Variants in TAC4 observed in about 807,000 individuals in gnomAD.
TAC4 encodes tachykinin precursor 4.
A neutral mutation model predicts 17.7 loss-of-function variants in TAC4; 17 were observed. The ratio of observed to expected loss-of-function variants is 0.96; its 90% CI spans 0.66 to 1.44. The LOEUF (loss-of-function observed/expected upper bound fraction) is 1.44. Among genes scored for constraint, TAC4 ranks in the 40% most tolerant of loss-of-function variants. The probability of loss-of-function intolerance (pLI) is 0.00; values close to 1 mark genes in which losing one functional copy is unlikely to be tolerated. For synonymous variants in TAC4, 62 were observed against 52.4 expected, an observed-to-expected ratio of 1.18 and a Z score of -0.79; for missense variants, 118 against 125.6, an observed-to-expected ratio of 0.94 and a Z score of 0.29.
In TAC4 at chr17:49,848,068, A is replaced by G. The variant is rs940627849; in HGVS notation, c.-51T>C. The G allele has an allele frequency of 1.3e-5, 21 of 1,607,482 alleles. No individual in the cohort carries two copies. Among genetic ancestry groups the G allele is most frequent in the Non-Finnish European group, 1.7e-5 (20 of 1,177,118 alleles). On this transcript the variant is annotated 5_prime_UTR_variant, in exon 1 of 5. Transcript: ENST00000436235. ...TCTGGGAGCCCCTCTCAGCTTGAAG[A>G]TGCCTCCTGCAGGCTTTGGTTTGCT...
At chr17:49,843,115 G>A (rs2074510934) in intron 2 of TAC4, among the ~76,000 whole-genome samples, 1 of 152,188 alleles carries the variant, frequency 6.6e-6, no homozygotes, top group Admixed American at 6.5e-5. Context: ...CGAGACTCTG[G>A]GTCAGAAAGG....
Position 49,838,462 on chromosome 17 carries a change from G to T in TAC4, c.*180C>A. 2.7e-6 allele frequency: 2 copies of T among 730,854 alleles called. No homozygotes were observed. The highest frequency in any genetic ancestry group is 4.8e-6 in the Non-Finnish European group (2 of 418,300). The allele number at this position is 730,854 out of a possible 1,614,324, so 45.3% of individuals were successfully genotyped here. On this transcript the variant is annotated 3_prime_UTR_variant, in exon 5 of 5. Coordinates refer to ENST00000436235, the MANE Select transcript of TAC4 (RefSeq NM_001077506.2). ...CGAAGCTGTGCATTTATGCAGGACT[G>T]CTGCTTGACACTGAGAGTCCAGGAA...
intron 3 of TAC4, among the ~76,000 whole-genome samples, chr17:49,840,447 A>G (rs2074488224): frequency 6.6e-6 from 1 of 152,018 alleles, no homozygotes; most frequent in Non-Finnish European, 1.5e-5. Context: ...GCATTAGGGG[A>G]CTAGACTTGG....
intron 2 of TAC4, among the ~76,000 whole-genome samples, chr17:49,842,431 G>C (rs1175177447): frequency 1.3e-5 from 2 of 152,058 alleles, no homozygotes; most frequent in East Asian, 2.0e-4. Flanking sequence ...TTGGGAGGCT[G>C]AGGCAGGAGA....
intron 1 of TAC4, chr17:49,845,927 C>T (rs2074534909): frequency 4.6e-6 from 1 of 217,598 alleles, no homozygotes; most frequent in African/African-American, 2.4e-5. Flanking sequence ...TGGAGTCACC[C>T]AGCCTGGCCA....
chr17:49,841,436 C>T (rs2074497338), intron 3 of TAC4, 116 bp downstream of exon 3: 2 of 1,125,640 alleles, frequency 1.8e-6, no homozygotes, highest in Non-Finnish European at 1.2e-6. Flanking sequence ...ACAGCAATGC[C>T]AGCCTGGCTT....
chr17:49,846,896 A>G, intron 1 of TAC4: 13 of 1,206,696 alleles, frequency 1.1e-5, no homozygotes, highest in Non-Finnish European at 1.3e-5. Flanking sequence ...GCTGGAGAAA[A>G]GCCTTGGGGG....
intron 3 of TAC4, among the ~76,000 whole-genome samples, chr17:49,841,275 A>G (rs571156733): frequency 7.9e-6 from 1 of 125,836 alleles, no homozygotes; most frequent in East Asian, 2.2e-4. Flanking sequence ...TTCTAATTCC[A>G]GGCTTTAGAC....
chr17:49,847,721 A>ACACG, intron 1 of TAC4, 192 bp downstream of exon 1: 1 of 741,580 alleles, frequency 1.3e-6, no homozygotes, highest in South Asian at 1.7e-5. Context: ...ACACACACAC[A>ACACG]CACACTTCGG....
rs1311234374 is a variant in TAC4 at position 49,844,176 on chromosome 17, A to C, written c.106-19T>G. 1.9e-6 allele frequency: 3 copies of C among 1,612,926 alleles called. No individual in the cohort carries two copies. In the Admixed American group the frequency reaches 5.0e-5, roughly 27 times the overall value. On this transcript the variant is annotated intron_variant, in intron 1 of 4. Coordinates refer to ENST00000436235, the MANE Select transcript of TAC4 (RefSeq NM_001077506.2). The stretch of plus-strand genomic sequence containing the variant: ...CGCCTTCCTGAAGAAGCAGAGAGTT[A>C]GTGTTAGAGTTGGGAGGTTGTCCAG...
chr17:49,840,038 T>A, intron 3 of TAC4, 129 bp from the exon 4 acceptor site: 1 of 736,504 alleles, frequency 1.4e-6, no homozygotes. Context: ...GCAAATGGGA[T>A]CATTTCTCTG....
chr17:49,845,540 G>A (rs1024564415), intron 1 of TAC4, among the ~76,000 whole-genome samples: 86 of 152,322 alleles, frequency 5.6e-4, no homozygotes, highest in African/African-American at 1.9e-3. Context: ...GACACAGAAT[G>A]CCAAATGAGG....
Position 49,838,616 on chromosome 17 carries a change from C to G in TAC4, c.*26G>C. ...AGGTAGGAAGAAGCGGCACCGTGTCCTCTGGGAAGTCTGTGGTGGGGGCTT... is the reference window on the plus strand; with the variant it reads ...AGGTAGGAAGAAGCGGCACCGTGTCGTCTGGGAAGTCTGTGGTGGGGGCTT... On this transcript the variant is annotated 3_prime_UTR_variant, in exon 5 of 5. Transcript: ENST00000436235. 6.2e-7 allele frequency: 1 copy of G among 1,613,648 alleles called. No homozygotes were observed. The highest frequency in any genetic ancestry group is 2.2e-5 in the East Asian group (1 of 44,816).
intron 2 of TAC4, 74 bp from the exon 3 acceptor site, chr17:49,841,658 C>G (rs1040062944): frequency 1.9e-5 from 28 of 1,438,752 alleles, no homozygotes; most frequent in Admixed American, 2.6e-5. Context: ...GGAAAAGGCT[C>G]CAGTTCTTTG....
At chr17:49,844,011 C>G in intron 2 of TAC4, 53 bp downstream of exon 2, 1 of 1,554,536 alleles carries the variant, frequency 6.4e-7, no homozygotes, top group Non-Finnish European at 8.9e-7. Flanking sequence ...CTTTATGTTG[C>G]AGAACCCACT....
At chr17:49,842,285 C>CT (rs1567874403) in intron 2 of TAC4, among the ~76,000 whole-genome samples, 1 of 151,904 alleles carries the variant, frequency 6.6e-6, no homozygotes, top group Non-Finnish European at 1.5e-5. Flanking sequence ...AATCCCAGCA[C>CT]TTTGGGAGTC....
At chr17:49,841,107 A>G (rs1322279194) in intron 3 of TAC4, among the ~76,000 whole-genome samples, 1 of 151,730 alleles carries the variant, frequency 6.6e-6, no homozygotes, top group African/African-American at 2.4e-5. Flanking sequence ...GCTGGTCTCG[A>G]ACTCCTGACC....
Position 49,839,729 on chromosome 17 carries a change from C to T in TAC4, c.292+121G>A, listed in dbSNP as rs1308829652. 6.6e-6 allele frequency: 6 copies of T among 914,864 alleles called. No homozygotes were observed. In the East Asian group the frequency reaches 1.6e-4, roughly 25 times the overall value. 56.7% of individuals were successfully genotyped at this position (914,864 alleles called of 1,614,324 possible). Reference sequence around the variant, plus strand: ...TCGACTGCCTCCCCTGGGGGCCTCCCCATGATGGCTTGTGGGGAGCCTGTC... The same window carrying T: ...TCGACTGCCTCCCCTGGGGGCCTCCTCATGATGGCTTGTGGGGAGCCTGTC... On this transcript the variant is annotated intron_variant, in intron 4 of 4. Coordinates refer to ENST00000436235, the MANE Select transcript of TAC4 (RefSeq NM_001077506.2).
chr17:49,839,783 G>T lies in TAC4; in HGVS notation c.292+67C>A. 2.0e-6 allele frequency: 3 copies of T among 1,472,878 alleles called. No individual in the cohort carries two copies. In the South Asian group the frequency reaches 3.8e-5, roughly 18 times the overall value. The allele number at this position is 1,472,878 out of a possible 1,614,324, so 91.2% of individuals were successfully genotyped here. ...CTAGCTGCCCAGCCCCCATCTTGCA[G>T]ACTGGCAGCAAAGTGTCTGGCCATT... On this transcript the variant is annotated intron_variant, in intron 4 of 4. Transcript: ENST00000436235.
Sources: allele counts gnomAD v4.1 joint callset (sites outside exome capture counted in the v4.1 genomes callset), GRCh38; gene constraint gnomAD v4.1.1; transcripts MANE v1.5; gene names NCBI Gene and HGNC (gene_info 2026-07-23, HGNC 2026-07-21).